The following CTIF variants were observed in gnomAD, a reference collection of about 807,000 sequenced individuals.
CTIF encodes the protein cap binding complex dependent translation initiation factor, also known as CBP80/20-dependent translation initiation factor.
CTIF carries 21 observed loss-of-function variants against 66.0 expected under a neutral mutation model. That is an observed-to-expected ratio of 0.32 (90% CI 0.23 to 0.46). The LOEUF (loss-of-function observed/expected upper bound fraction) is 0.46. CTIF is among the 20% of genes least tolerant of loss of function. The pLI is 1.00. For synonymous variants in CTIF, 345 were observed against 326.4 expected (o/e 1.06, Z -0.62); for missense variants, 739 against 812.7 (o/e 0.91, Z 1.10).
At chr18:48,580,781 C>A (rs1216237604) in intron 1 of CTIF, among the ~76,000 whole-genome samples, 1 of 152,162 alleles carries the variant, frequency 6.6e-6, no homozygotes, top group Non-Finnish European at 1.5e-5. Flanking sequence ...AATTTTGGCT[C>A]CCCCGCCCTG....
At chr18:48,784,204 C>T (rs374430170) in intron 9 of CTIF, among the ~76,000 whole-genome samples, 20 of 152,280 alleles carry the variant, frequency 1.3e-4, no homozygotes, top group South Asian at 1.2e-3. Flanking sequence ...CAGACGGCCC[C>T]GAGCATCGAG....
intron 10 of CTIF, among the ~76,000 whole-genome samples, chr18:48,822,505 A>AC (rs2068504727): frequency 3.7e-5 from 4 of 107,578 alleles, no homozygotes; most frequent in Non-Finnish European, 7.6e-5. Flanking sequence ...CCCCACCCCC[A>AC]ACACACACAC....
rs893900452 is a variant in CTIF, at chr18:48,861,639, C to T, written c.*2080C>T. On this transcript the variant is annotated 3_prime_UTR_variant, in exon 12 of 12. Coordinates refer to ENST00000256413, the MANE Select transcript of CTIF (RefSeq NM_014772.3). ...GAGGAGAGACCTGGGAGTGGGAGCT[C>T]AGGTCAGGGAGGAGGCAGGGGAGTG... The T allele has an allele frequency of 6.6e-6, 1 of 152,506 alleles. No homozygotes were observed. The highest frequency in any genetic ancestry group is 2.4e-5 in the African/African-American group (1 of 41,436). 9.4% of individuals were successfully genotyped at this position (152,506 alleles called of 1,614,324 possible).
At chr18:48,762,357 C>T (rs984829008) in intron 9 of CTIF, among the ~76,000 whole-genome samples, 6 of 152,168 alleles carry the variant, frequency 3.9e-5, no homozygotes, top group South Asian at 2.1e-4. Context: ...TGGGAGTAGG[C>T]GCGTGCACTT....
chr18:48,739,469 A>G (rs892008647), intron 7 of CTIF, among the ~76,000 whole-genome samples: 2 of 152,150 alleles, frequency 1.3e-5, no homozygotes, highest in African/African-American at 4.8e-5. Context: ...GGGACGCGCC[A>G]CAGTACAAAC....
rs115921325 is a variant in CTIF at position 48,709,308 on chromosome 18, G to A, written c.508-2311G>A. Among the ~76,000 whole-genome samples the A allele has an allele frequency of 7.6e-3, 1,153 of 152,338 alleles. 17 individuals are homozygous for A. Among genetic ancestry groups the A allele is most frequent in the African/African-American group, 0.026 (1,088 of 41,574 alleles). ...GAGTTGTTCTGGGATGGATGGATGG[G>A]TGGACACAGGGGACCTAACAGTGGC... On this transcript the variant is annotated intron_variant, in intron 6 of 11. Transcript: ENST00000256413.
At chr18:48,694,380 A>G (rs549195787) in intron 6 of CTIF, among the ~76,000 whole-genome samples, 37 of 152,334 alleles carry the variant, frequency 2.4e-4, no homozygotes, top group African/African-American at 7.9e-4. Flanking sequence ...AGTCAGAGCC[A>G]CAGGAACCCT....
At chr18:48,561,713 G>A (rs1025033859) in intron 1 of CTIF, among the ~76,000 whole-genome samples, 9 of 152,216 alleles carry the variant, frequency 5.9e-5, no homozygotes, top group African/African-American at 2.2e-4. Flanking sequence ...TATTCTGAAT[G>A]AACTGTTGAC....
Position 48,704,474 on chromosome 18 carries a change from C to T in CTIF, c.508-7145C>T, listed in dbSNP as rs190057791. ...CACCACTCCACCTGGGTTAGTTTCCCGGGGCCGCCATAACAAAGGACCGCA... is the reference window on the plus strand; with the variant it reads ...CACCACTCCACCTGGGTTAGTTTCCTGGGGCCGCCATAACAAAGGACCGCA... On this transcript the variant is annotated intron_variant, in intron 6 of 11. Coordinates refer to ENST00000256413, the MANE Select transcript of CTIF (RefSeq NM_014772.3). 3.5e-3 allele frequency among the ~76,000 whole-genome samples: 535 copies of T among 152,266 alleles called. 5 individuals carry two copies. Among genetic ancestry groups the T allele is most frequent in the African/African-American group, 0.012 (494 of 41,550 alleles).
chr18:48,647,705 G>T (rs933136966), intron 3 of CTIF, among the ~76,000 whole-genome samples: 1 of 152,224 alleles, frequency 6.6e-6, no homozygotes, highest in Non-Finnish European at 1.5e-5. Flanking sequence ...AAACAGGAAA[G>T]GGATAGAACT....
At chr18:48,819,528 G>A (rs1191264183) in intron 10 of CTIF, among the ~76,000 whole-genome samples, 1 of 152,212 alleles carries the variant, frequency 6.6e-6, no homozygotes, top group South Asian at 2.1e-4. Context: ...TGGCTGCTGG[G>A]ACACTTTTAA....
intron 6 of CTIF, among the ~76,000 whole-genome samples, chr18:48,679,654 A>G (rs1265171784): frequency 6.6e-6 from 1 of 151,996 alleles, no homozygotes; most frequent in Non-Finnish European, 1.5e-5. Flanking sequence ...TCTTGCTCAA[A>G]TCTTCCCCCT....
chr18:48,772,135 C>T (rs1450521804), intron 9 of CTIF, among the ~76,000 whole-genome samples: 1 of 152,200 alleles, frequency 6.6e-6, no homozygotes, highest in Non-Finnish European at 1.5e-5. Flanking sequence ...CCTCTGGAAC[C>T]AGCCTGTGCA....
chr18:48,716,544 G>A (rs2092283600), intron 7 of CTIF, among the ~76,000 whole-genome samples: 1 of 152,028 alleles, frequency 6.6e-6, no homozygotes. Context: ...TCTGGAGCCA[G>A]GGATTCCCCA....
rs2090546079 is a variant in CTIF, at chr18:48,623,932, TAGATA to T, written c.180+4193_180+4197del. On this transcript the variant is annotated intron_variant, in intron 2 of 11. Transcript: ENST00000256413. ...AGATAGATAATACATAGATAATAGA[TAGATA>T]AGATAGATAGATAGATCAGTTTTCC... 1.3e-5 allele frequency among the ~76,000 whole-genome samples: 2 copies of T among 151,914 alleles called. 1 individual carries two copies. Among genetic ancestry groups the T allele is most frequent in the South Asian group, 4.2e-4 (2 of 4,814 alleles).
chr18:48,684,436 C>G (rs2091802354), intron 6 of CTIF, among the ~76,000 whole-genome samples: 1 of 152,074 alleles, frequency 6.6e-6, no homozygotes, highest in Non-Finnish European at 1.5e-5. Context: ...ATTTCGAATA[C>G]AGATATCTAA....
intron 6 of CTIF, among the ~76,000 whole-genome samples, chr18:48,708,321 C>G (rs1279590271): frequency 6.6e-6 from 1 of 152,236 alleles, no homozygotes; most frequent in African/African-American, 2.4e-5. Context: ...CCTGTTAACA[C>G]CCAAGTGTTC....
chr18:48,716,976 C>T (rs2092287918), intron 7 of CTIF, among the ~76,000 whole-genome samples: 1 of 152,216 alleles, frequency 6.6e-6, no homozygotes, highest in South Asian at 2.1e-4. Flanking sequence ...AGCGAGCCAT[C>T]CACCTGGCGT....
At chr18:48,820,289 G>A (rs950171839) in intron 10 of CTIF, among the ~76,000 whole-genome samples, 5 of 152,190 alleles carry the variant, frequency 3.3e-5, no homozygotes, top group African/African-American at 1.2e-4. Flanking sequence ...AGGGACCCCT[G>A]AATTCTTCAA....
Sources: gnomAD v4.1 joint callset for allele counts (sites outside exome capture counted in the v4.1 genomes callset) on GRCh38, gnomAD v4.1.1 for gene constraint, MANE v1.5 for transcripts, NCBI Gene and HGNC (gene_info 2026-07-23, HGNC 2026-07-21) for gene names.